The following BRD7 variants were observed in gnomAD, a reference collection of about 807,000 sequenced individuals.
The protein encoded by BRD7 is bromodomain-containing protein 7.
BRD7 carries 15 observed loss-of-function variants against 82.1 expected under a neutral mutation model. The ratio of observed to expected loss-of-function variants is 0.18; its 90% CI spans 0.12 to 0.28. BRD7 has a LOEUF of 0.28. Ranked by LOEUF, BRD7 falls within the 10% of genes least tolerant of loss-of-function variation. The pLI is 1.00. For synonymous variants in BRD7, 232 were observed against 266.9 expected (o/e 0.87, Z 1.27); for missense variants, 638 against 779.9 (o/e 0.82, Z 2.17).
At chr16:50,367,960 C>T in intron 2 of BRD7, 130 bp downstream of exon 2, 2 of 923,720 alleles carry the variant, frequency 2.2e-6, no homozygotes, top group East Asian at 2.4e-5. Flanking sequence ...TCTATTCTGT[C>T]CTGCTCCTCC....
At chr16:50,335,238 AACAG>A (rs2151159498) in intron 6 of BRD7, among the ~76,000 whole-genome samples, 1 of 152,374 alleles carries the variant, frequency 6.6e-6, no homozygotes, top group South Asian at 2.1e-4. Flanking sequence ...TTTTGTGTTT[AACAG>A]ACAGGCTTAT....
At chr16:50,326,033 G>A (rs1283476749) in intron 10 of BRD7, 150 bp from the exon 11 acceptor site, 4 of 890,876 alleles carry the variant, frequency 4.5e-6, no homozygotes, top group Admixed American at 3.2e-5. Context: ...ACAGGTACTT[G>A]TAAAGTTACA....
Position 50,368,170 on chromosome 16 carries a change from C to G in BRD7, c.178G>C (p.Asp60His). ...EDKNDHDKHK[D>H]RKRKKRKKGE... is the part of the protein sequence containing the mutation. ...TTCTTTCTCTTTTTCCGCTTTCTGT[C>G]CTTGTGTTTGTCATGATCGTTTTTG... Residue 60 changes from aspartate (D) to histidine (H), a missense_variant, in exon 2 of 17, where the codon GAC (aspartate) becomes CAC (histidine). Asp to His is a moderately conservative substitution (Grantham distance 81). Around this residue, in one of 3 missense-constraint regions of BRD7, gnomAD observed 172 missense variants for 155.3 expected, o/e 1.11. Transcript: ENST00000394688. The G allele has an allele frequency of 6.2e-7, 1 of 1,614,158 alleles. No homozygotes were observed. Among genetic ancestry groups the G allele is most frequent in the Non-Finnish European group, 8.5e-7 (1 of 1,180,000 alleles).
chr16:50,349,217 T>G, intron 5 of BRD7: 2 of 190,824 alleles, frequency 1.0e-5, no homozygotes, highest in African/African-American at 5.0e-5. Flanking sequence ...GGACACAGGG[T>G]GGGGAACATC....
chr16:50,334,608 AC>A, intron 7 of BRD7, 102 bp downstream of exon 7: 1 of 1,353,910 alleles, frequency 7.4e-7, no homozygotes, highest in Non-Finnish European at 1.0e-6. Context: ...CACCACCGAC[AC>A]ACTAGCACTT....
intron 5 of BRD7, among the ~76,000 whole-genome samples, chr16:50,347,834 C>T (rs2038351838): frequency 6.6e-6 from 1 of 152,108 alleles, no homozygotes; most frequent in Admixed American, 6.5e-5. Context: ...GGCCATAGTG[C>T]CCAAGGTAAT....
chr16:50,328,654 T>C lies in BRD7; in HGVS notation c.1087+15A>G. The C allele has an allele frequency of 6.2e-7, 1 of 1,609,344 alleles. No homozygotes were observed. Among genetic ancestry groups the C allele is most frequent in the African/African-American group, 1.3e-5 (1 of 74,852 alleles). On this transcript the variant is annotated intron_variant, in intron 9 of 16. Coordinates refer to ENST00000394688, the MANE Select transcript of BRD7 (RefSeq NM_013263.5). ...AATAGCATCAAGTTCATGCACAGTT[T>C]TACTCTGATCCTACCTCCTACAATG...
chr16:50,368,206 G>A lies in BRD7; in HGVS notation c.142C>T (p.Leu48Phe). ...TCATGATCGTTTTTGTCTTCGAAGA[G>A]GCTGGAGTCGTGCCCCGAGCTGCCC... is the stretch of plus-strand genomic sequence containing the variant. ...STGSSGHDSS[L>F]FEDKNDHDKH... is the part of the protein sequence containing the mutation. Residue 48 changes from leucine (L) to phenylalanine (F), a missense_variant, in exon 2 of 17, where the codon CTC (leucine) becomes TTC (phenylalanine). Around this residue, in one of 3 missense-constraint regions of BRD7, gnomAD observed 172 missense variants for 155.3 expected, o/e 1.11. Coordinates refer to ENST00000394688, the MANE Select transcript of BRD7 (RefSeq NM_013263.5). 1.9e-6 allele frequency: 3 copies of A among 1,614,186 alleles called. No homozygotes were observed. Among genetic ancestry groups the A allele is most frequent in the Non-Finnish European group, 2.5e-6 (3 of 1,180,038 alleles).
chr16:50,320,525 C>T (rs1190349159), intron 14 of BRD7, 134 bp from the exon 15 acceptor site: 10 of 1,417,912 alleles, frequency 7.1e-6, no homozygotes, highest in Admixed American at 3.5e-5. Context: ...GACATCAACA[C>T]GCCATACCCA....
intron 5 of BRD7, chr16:50,349,618 G>A (rs1294585837): frequency 4.2e-6 from 2 of 470,806 alleles, no homozygotes; most frequent in African/African-American, 2.0e-5. Flanking sequence ...CCAGTCTCAG[G>A]CAGTTCTGTA....
intron 5 of BRD7, chr16:50,349,771 T>G (rs1009430468): frequency 2.8e-5 from 11 of 392,472 alleles, no homozygotes; most frequent in Non-Finnish European, 4.4e-5. Context: ...AAAAATATAC[T>G]GTGGAACACA....
intron 2 of BRD7, among the ~76,000 whole-genome samples, chr16:50,361,345 T>TA (rs951964968): frequency 6.6e-5 from 10 of 152,262 alleles, no homozygotes; most frequent in East Asian, 1.9e-4. Flanking sequence ...TGCTTTTGAG[T>TA]AAAAAAATTT....
chr16:50,349,450 A>C (rs1219018842), intron 5 of BRD7: 6 of 417,046 alleles, frequency 1.4e-5, no homozygotes, highest in African/African-American at 1.1e-4. Context: ...AGTGTGTAGC[A>C]CTTCCCCCTT....
In BRD7 at chr16:50,320,505, C is replaced by A; in HGVS notation, c.1613-114G>T. ...GCCTTCTCCCTTCAAAAGAGTAATC[C>A]GCTTGAAATGACATCAACACGCCAT... On this transcript the variant is annotated intron_variant, in intron 14 of 16. Coordinates refer to ENST00000394688, the MANE Select transcript of BRD7 (RefSeq NM_013263.5). The A allele has an allele frequency of 4.7e-6, 7 of 1,493,078 alleles. 1 individual carries two copies. In the South Asian group the frequency reaches 6.2e-5, roughly 13 times the overall value. The allele number at this position is 1,493,078 out of a possible 1,614,324, so 92.5% of individuals were successfully genotyped here. A position where few individuals can be genotyped will look rare whatever the true frequency, so the allele number is the denominator to read the frequency against.
intron 2 of BRD7, among the ~76,000 whole-genome samples, chr16:50,357,608 T>C (rs1246356575): frequency 1.3e-5 from 2 of 152,110 alleles, no homozygotes; most frequent in Non-Finnish European, 2.9e-5. Flanking sequence ...AGAGGCAGTA[T>C]GCATTCTCCC....
Position 50,322,414 on chromosome 16 carries a change from T to C in BRD7, c.1444-376A>G, listed in dbSNP as rs151299171. 2.8e-3 allele frequency among the ~76,000 whole-genome samples: 419 copies of C among 152,324 alleles called. 1 individual carries two copies. Among genetic ancestry groups the C allele is most frequent in the African/African-American group, 9.7e-3 (403 of 41,572 alleles). On this transcript the variant is annotated intron_variant, in intron 12 of 16. Coordinates refer to ENST00000394688, the MANE Select transcript of BRD7 (RefSeq NM_013263.5). The stretch of plus-strand genomic sequence containing the variant: ...GCATGAACACAGCAATATTCTCAGA[T>C]AGCAGAGGATTACTGTAAAATAATC...
At position 50,321,830 on chromosome 16, in the gene BRD7, G is replaced by A. The variant is rs9922362; in HGVS notation, c.1500+152C>T. The A allele has an allele frequency of 0.22, 147,979 of 680,100 alleles. 18,717 individuals are homozygous for A. The highest frequency in any genetic ancestry group is 0.3 in the Middle Eastern group (1,001 of 3,324). 42.1% of individuals were successfully genotyped at this position (680,100 alleles called of 1,614,324 possible). ...TAATTGTGCAACTTGGCACTGATATGCATTTATGGTTTGCCATTTCAGCTA... is the reference window on the plus strand; with the variant it reads ...TAATTGTGCAACTTGGCACTGATATACATTTATGGTTTGCCATTTCAGCTA... On this transcript the variant is annotated intron_variant, in intron 13 of 16. Transcript: ENST00000394688.
Position 50,368,125 on chromosome 16 carries a change from C to G in BRD7, c.223G>C (p.Gly75Arg). 1 of 1,614,008 alleles carries G rather than the reference C, an allele frequency of 6.2e-7. No homozygotes were observed. Among genetic ancestry groups the G allele is most frequent in the Non-Finnish European group, 8.5e-7 (1 of 1,179,902 alleles). The change falls in exon 2 of 17, where the codon GGG becomes CGG. Residue 75 changes from glycine to arginine, a missense_variant. By Grantham distance (125) the Gly-to-Arg change is moderately radical (BLOSUM62 -2). Around this residue, in one of 3 missense-constraint regions of BRD7, gnomAD observed 172 missense variants for 155.3 expected, o/e 1.11. Transcript: ENST00000394688. ...KRKKGEKQIPGEEKGRKRRRV... is the reference protein window; with the variant it reads ...KRKKGEKQIPREEKGRKRRRV... ...CTCCGTTTTCTCCCCTTTTCTTCCC[C>G]TGGAATCTGCTTCTCTCCTTTCTTT...
At chr16:50,337,613 G>A (rs1305051026) in intron 6 of BRD7, among the ~76,000 whole-genome samples, 1 of 152,042 alleles carries the variant, frequency 6.6e-6, no homozygotes, top group East Asian at 1.9e-4. Flanking sequence ...TGTTATTTGA[G>A]TGTAACTGAA....
Sources: allele counts gnomAD v4.1 joint callset (sites outside exome capture counted in the v4.1 genomes callset), GRCh38; gene constraint gnomAD v4.1.1; regional missense constraint gnomAD v4.1.1; transcripts MANE v1.5; gene names NCBI Gene and HGNC (gene_info 2026-07-23, HGNC 2026-07-21).